The following SIPA1L3 variants were observed in gnomAD, a reference collection of about 807,000 sequenced individuals.
SIPA1L3 encodes signal induced proliferation associated 1 like 3.
In SIPA1L3, 59 loss-of-function variants were observed where a neutral mutation model predicts 150.1. That is an observed-to-expected ratio of 0.39 (90% CI 0.32 to 0.49). SIPA1L3 has a LOEUF of 0.49. Among genes scored for constraint, SIPA1L3 ranks in the 20% least tolerant of loss-of-function variants. The probability of loss-of-function intolerance (pLI) is 0.86; values close to 1 mark genes in which losing one functional copy is unlikely to be tolerated. For synonymous variants in SIPA1L3, 1,070 were observed against 1,077.6 expected (o/e 0.99, Z 0.14); for missense variants, 2,211 against 2,489.5 (o/e 0.89, Z 2.38).
At chr19:38,022,569 G>T (rs528899448) in intron 1 of SIPA1L3, among the ~76,000 whole-genome samples, 3 of 140,984 alleles carry the variant, frequency 2.1e-5, no homozygotes, top group Non-Finnish European at 3.0e-5. Context: ...AAAATCGGGC[G>T]TGGTGGCAGG....
At chr19:38,065,987 CTTAT>C (rs56249728) in intron 2 of SIPA1L3, among the ~76,000 whole-genome samples, 2,267 of 121,344 alleles carry the variant, frequency 0.019, 51 homozygotes, top group Non-Finnish European at 0.024. Flanking sequence ...GGCTTGATCT[CTTAT>C]TTATTTATTT....
intron 1 of SIPA1L3, among the ~76,000 whole-genome samples, chr19:37,923,246 A>G (rs978556423): frequency 6.6e-6 from 1 of 152,182 alleles, no homozygotes; most frequent in Non-Finnish European, 1.5e-5. Context: ...ATGGCTTCAC[A>G]GTGGGGCTGT....
chr19:37,937,054 G>A (rs2046606894), intron 1 of SIPA1L3, among the ~76,000 whole-genome samples: 1 of 152,160 alleles, frequency 6.6e-6, no homozygotes, highest in East Asian at 1.9e-4. Flanking sequence ...GTAGAGATGG[G>A]ATCTTGCTAT....
intron 1 of SIPA1L3, among the ~76,000 whole-genome samples, chr19:37,934,218 A>G (rs1026623979): frequency 1.3e-5 from 2 of 151,926 alleles, no homozygotes; most frequent in African/African-American, 4.8e-5. Flanking sequence ...GCCTTCTTGG[A>G]TTTCTCCCAG....
At chr19:38,016,053 A>C (rs1056227115) in intron 1 of SIPA1L3, among the ~76,000 whole-genome samples, 2 of 152,214 alleles carry the variant, frequency 1.3e-5, no homozygotes, top group African/African-American at 4.8e-5. Flanking sequence ...TTCTGCTCAC[A>C]TGCATGCTCC....
In SIPA1L3 at chr19:38,011,448, C is replaced by T. The variant is rs532209404; in HGVS notation, c.-378-17641C>T. 8.5e-5 allele frequency among the ~76,000 whole-genome samples: 13 copies of T among 152,302 alleles called. No individual in the cohort carries two copies. In the East Asian group the frequency reaches 2.5e-3, roughly 29 times the overall value. ...CCATGATTGCACCACTTCACTCCAG[C>T]CCGAACAGTGGAGTGAGACCCTGTC... On this transcript the variant is annotated intron_variant, in intron 1 of 21. Transcript: ENST00000222345.
chr19:38,199,611 A>AG (rs1177204127), intron 19 of SIPA1L3, among the ~76,000 whole-genome samples: 10 of 149,990 alleles, frequency 6.7e-5, no homozygotes, highest in East Asian at 5.9e-4. Flanking sequence ...GTTACGGGGG[A>AG]GAGGGGGGAG....
intron 1 of SIPA1L3, among the ~76,000 whole-genome samples, chr19:37,975,734 C>G (rs956082550): frequency 2.0e-5 from 3 of 152,184 alleles, no homozygotes; most frequent in Admixed American, 2.0e-4. Flanking sequence ...GACTGCTTGA[C>G]AGGGACTGCC....
chr19:38,114,317 GGAGGCT>G (rs1310828752), intron 8 of SIPA1L3, among the ~76,000 whole-genome samples: 1 of 151,818 alleles, frequency 6.6e-6, no homozygotes, highest in Non-Finnish European at 1.5e-5. Context: ...CAGCTACTCA[GGAGGCT>G]GAGGCAGGAG....
chr19:38,030,642 A>ATATATATATATATATATATATG (rs1555778714), intron 2 of SIPA1L3, among the ~76,000 whole-genome samples: 44 of 75,352 alleles, frequency 5.8e-4, no homozygotes, highest in African/African-American at 1.7e-3. Flanking sequence ...ATATATATAT[A>ATATATATATATATATATATATG]TATATATATG....
At position 38,141,454 on chromosome 19, in the gene SIPA1L3, G is replaced by T. The variant is rs548505759; in HGVS notation, c.3395+19G>T. The T allele has an allele frequency of 3.1e-6, 5 of 1,598,452 alleles. No individual in the cohort carries two copies. Among genetic ancestry groups the T allele is most frequent in the Admixed American group, 3.4e-5 (2 of 59,574 alleles). On this transcript the variant is annotated intron_variant, in intron 11 of 21. Transcript: ENST00000222345. ...GCAAGAGGTAAGCACCTGCTGGGGG[G>T]ACCAATACTTCCCAACCCCCACCAG...
At chr19:37,962,119 T>G (rs1436869292) in intron 1 of SIPA1L3, among the ~76,000 whole-genome samples, 1 of 151,934 alleles carries the variant, frequency 6.6e-6, no homozygotes, top group Non-Finnish European at 1.5e-5. Context: ...TTTTACTGTT[T>G]GTGTGTCTCA....
intron 2 of SIPA1L3, among the ~76,000 whole-genome samples, chr19:38,041,154 T>C (rs1968911340): frequency 1.3e-5 from 2 of 148,574 alleles, no homozygotes; most frequent in South Asian, 4.3e-4. Context: ...TCACCCAGGC[T>C]AGACTGCAGT....
At position 37,907,300 on chromosome 19, in the gene SIPA1L3, G is replaced by A. The variant is rs1381322408; in HGVS notation, c.-437G>A. ...GGAGCTGGCGGCGTCTCCAGCGAGC[G>A]GCGCGGAGCTGGACGCCGCGATCGT... On this transcript the variant is annotated 5_prime_UTR_variant, in exon 1 of 22. Coordinates refer to ENST00000222345, the MANE Select transcript of SIPA1L3 (RefSeq NM_015073.3). 1 of 152,476 alleles carries A rather than the reference G, an allele frequency of 6.6e-6. No individual in the cohort carries two copies. The highest frequency in any genetic ancestry group is 2.4e-5 in the African/African-American group (1 of 41,476). 9.4% of individuals were successfully genotyped at this position (152,476 alleles called of 1,614,324 possible).
rs1226851541 is a variant in SIPA1L3, at chr19:38,081,967, G to A, written c.402G>A (p.Gly134=). 6.2e-7 allele frequency: 1 copy of A among 1,614,170 alleles called. No individual in the cohort carries two copies. ...QPPTSTPASS[G]SKAFHRLSRR... Reference sequence around the variant, plus strand: ...CCACCAGCACCCCGGCTTCCTCAGGGTCCAAAGCCTTCCACCGACTCTCCA... The same window carrying A: ...CCACCAGCACCCCGGCTTCCTCAGGATCCAAAGCCTTCCACCGACTCTCCA... Residue 134 remains glycine, a synonymous_variant, in exon 3 of 22, where the codon GGG becomes GGA. Transcript: ENST00000222345.
intron 3 of SIPA1L3, among the ~76,000 whole-genome samples, chr19:38,084,573 C>T (rs894908258): frequency 2.4e-5 from 3 of 125,346 alleles, no homozygotes; most frequent in African/African-American, 3.3e-5. Context: ...AAAAAAAAGA[C>T]GAAGTACTAG....
At chr19:38,132,406 G>C (rs181470945) in intron 10 of SIPA1L3, among the ~76,000 whole-genome samples, 23 of 151,958 alleles carry the variant, frequency 1.5e-4, no homozygotes, top group African/African-American at 5.5e-4. Flanking sequence ...CCAATGTGGA[G>C]AAACACTGTC....
At chr19:37,929,669 C>T (rs918239498) in intron 1 of SIPA1L3, among the ~76,000 whole-genome samples, 1 of 152,146 alleles carries the variant, frequency 6.6e-6, no homozygotes, top group East Asian at 1.9e-4. Context: ...ACTCCCTCCC[C>T]CCTCCTCCTA....
chr19:38,146,921 G>C (rs983768936), intron 12 of SIPA1L3, among the ~76,000 whole-genome samples: 5 of 152,230 alleles, frequency 3.3e-5, no homozygotes, highest in African/African-American at 1.2e-4. Context: ...ATGGTGTTCT[G>C]TGTCTAAGAG....
Sources: allele counts gnomAD v4.1 joint callset (sites outside exome capture counted in the v4.1 genomes callset), GRCh38; gene constraint gnomAD v4.1.1; transcripts MANE v1.5; gene names NCBI Gene and HGNC (gene_info 2026-07-23, HGNC 2026-07-21).